NUTM1: variants seen among roughly 807,000 people sequenced by gnomAD.
The protein encoded by NUTM1 is NUT family member 1.
A neutral mutation model predicts 88.7 loss-of-function variants in NUTM1; 39 were observed. The observed-to-expected ratio is 0.44, with a 90% confidence interval of 0.34 to 0.57. The LOEUF is 0.57. Among genes scored for constraint, NUTM1 ranks in the 20% least tolerant of loss-of-function variants. The pLI, the probability that NUTM1 is intolerant of heterozygous loss-of-function variation, is 0.01. For synonymous variants in NUTM1, 494 were observed against 538.0 expected (o/e 0.92, Z 1.13); for missense variants, 1,350 against 1,414.5 (o/e 0.95, Z 0.73).
At chr15:34,347,895 A>C in intron 2 of NUTM1, 74 bp from the exon 3 acceptor site, 1 of 680,512 alleles carries the variant, frequency 1.5e-6, no homozygotes, top group Non-Finnish European at 2.3e-6. Flanking sequence ...AAAATAAAAA[A>C]ATGGGGAATT....
Position 34,356,196 on chromosome 15 carries a change from G to T in NUTM1, c.2188G>T (p.Asp730Tyr). The T allele has an allele frequency of 3.1e-6, 5 of 1,608,808 alleles. No individual in the cohort carries two copies. Among genetic ancestry groups the T allele is most frequent in the Non-Finnish European group, 4.3e-6 (5 of 1,176,170 alleles). The change falls in exon 8 of 8, where the codon GAT becomes TAT. Residue 730 changes from aspartate to tyrosine, a missense_variant. Physicochemically the swap from Asp to Tyr is radical, Grantham distance 160 (BLOSUM62 -3). Coordinates refer to ENST00000537011, the MANE Select transcript of NUTM1 (RefSeq NM_001284292.2). Reference protein sequence around the residue: ...DRGTPMAQSYDQNPSPRAAGE... With the variant: ...DRGTPMAQSYYQNPSPRAAGE... ...AGGTACCCCCATGGCTCAGAGTTAT[G>T]ATCAGAATCCTTCCCCTAGAGCAGC...
At chr15:34,347,843 A>C in intron 2 of NUTM1, 126 bp from the exon 3 acceptor site, 62 of 497,086 alleles carry the variant, frequency 1.2e-4, no homozygotes, top group Non-Finnish European at 1.7e-4. Context: ...ACAGAGCGAG[A>C]CTCCATCTCA....
chr15:34,349,018 C>T (rs182808896), intron 3 of NUTM1, among the ~76,000 whole-genome samples: 3 of 152,228 alleles, frequency 2.0e-5, no homozygotes, highest in East Asian at 3.9e-4. Flanking sequence ...AGGGTCCTCC[C>T]CCCGTTCTAT....
At chr15:34,345,883 C>G (rs895987697) in intron 1 of NUTM1, 59 bp from the exon 2 acceptor site, 2 of 1,596,058 alleles carry the variant, frequency 1.3e-6, no homozygotes, top group African/African-American at 2.7e-5. Flanking sequence ...TATTCTAGTT[C>G]TGTGTGATCT....
rs966462694 is a variant in NUTM1, at chr15:34,357,528, C to T, written c.*37C>T. ...ACCATCTGACCCCACTTGCCAGTCC[C>T]TAAAGGTGGGTGCCCCAGAGTAGAT... On this transcript the variant is annotated 3_prime_UTR_variant, in exon 8 of 8. Coordinates refer to ENST00000537011, the MANE Select transcript of NUTM1 (RefSeq NM_001284292.2). 2.5e-6 allele frequency: 4 copies of T among 1,611,948 alleles called. No homozygotes were observed. In the East Asian group the frequency reaches 8.9e-5, roughly 36 times the overall value.
intron 1 of NUTM1, among the ~76,000 whole-genome samples, chr15:34,345,506 C>A (rs947105824): frequency 1.3e-5 from 2 of 152,104 alleles, no homozygotes; most frequent in African/African-American, 2.4e-5. Context: ...GTGTATAGAC[C>A]AATGTACTCT....
intron 3 of NUTM1, among the ~76,000 whole-genome samples, chr15:34,349,022 G>C (rs761089557): frequency 6.6e-6 from 1 of 152,096 alleles, no homozygotes; most frequent in African/African-American, 2.4e-5. Flanking sequence ...TCCTCCCCCC[G>C]TTCTATTTTA....
At chr15:34,354,387 G>A (rs1210311887) in intron 5 of NUTM1, 59 bp from the exon 6 acceptor site, 4 of 1,536,290 alleles carry the variant, frequency 2.6e-6, no homozygotes, top group Admixed American at 3.4e-5. Flanking sequence ...CATTCCGAAG[G>A]AGGCAGAATC....
At position 34,356,284 on chromosome 15, in the gene NUTM1, T is replaced by C; in HGVS notation, c.2276T>C (p.Val759Ala). 1 of 1,613,058 alleles carries C rather than the reference T, an allele frequency of 6.2e-7. No homozygotes were observed. The highest frequency in any genetic ancestry group is 8.5e-7 in the Non-Finnish European group (1 of 1,179,506). Residue 759 changes from valine to alanine, a missense_variant, in exon 8 of 8, where the codon GTA (valine) becomes GCA (alanine). Physicochemically the swap from Val to Ala is moderately conservative, Grantham distance 64. Coordinates refer to ENST00000537011, the MANE Select transcript of NUTM1 (RefSeq NM_001284292.2). ...TGGCTGAGCAGTGAGATGGATGCTG[T>C]AGGCTTGGAGCTGCCTGTACAAATA... The part of the protein sequence containing the change: ...GVWLSSEMDA[V>A]GLELPVQIEE...
At chr15:34,354,811 C>A in intron 6 of NUTM1, 79 bp downstream of exon 6, 1 of 1,411,968 alleles carries the variant, frequency 7.1e-7, no homozygotes, top group Non-Finnish European at 1.0e-6. Context: ...TGGGGTTTGT[C>A]CAATGCAGTA....
At position 34,356,540 on chromosome 15, in the gene NUTM1, G is replaced by A. The variant is rs1890815330; in HGVS notation, c.2532G>A (p.Leu844=). ...PGPLRANSPP[L]RSKENQEQSC... ...CTTTGAGGGCCAACAGCCCACCCTT[G>A]AGGTCCAAAGAAAATCAAGAACAGA... is the stretch of plus-strand genomic sequence containing the variant. Residue 844 remains leucine, a synonymous_variant, in exon 8 of 8, where the codon TTG becomes TTA. Coordinates refer to ENST00000537011, the MANE Select transcript of NUTM1 (RefSeq NM_001284292.2). The A allele has an allele frequency of 6.2e-7, 1 of 1,613,836 alleles. No homozygotes were observed. Among genetic ancestry groups the A allele is most frequent in the Non-Finnish European group, 8.5e-7 (1 of 1,179,954 alleles).
rs1386925665 is a variant in NUTM1, at chr15:34,357,649, G to C, written c.*158G>C. 21 of 1,350,318 alleles carry C rather than the reference G, an allele frequency of 1.6e-5. No homozygotes were observed. Among genetic ancestry groups the C allele is most frequent in the Non-Finnish European group, 2.2e-5 (21 of 954,128 alleles). The allele number at this position is 1,350,318 out of a possible 1,614,324, so 83.6% of individuals were successfully genotyped here. A position where few individuals can be genotyped will look rare whatever the true frequency, so the allele number is the denominator to read the frequency against. On this transcript the variant is annotated 3_prime_UTR_variant, in exon 8 of 8. Coordinates refer to ENST00000537011, the MANE Select transcript of NUTM1 (RefSeq NM_001284292.2). ...CAAAAGTGGCAAGCATGGAGAGAGA[G>C]GTCAGACTGGCTAGGCTGCAGGGGG... is the stretch of plus-strand genomic sequence containing the variant.
chr15:34,353,691 T>A, intron 4 of NUTM1, 45 bp from the exon 5 acceptor site: 2 of 1,611,492 alleles, frequency 1.2e-6, no homozygotes, highest in Non-Finnish European at 1.7e-6. Context: ...CTGATGGGTC[T>A]GGTCTCCTTC....
intron 2 of NUTM1, among the ~76,000 whole-genome samples, chr15:34,347,319 G>T (rs1202792457): frequency 6.6e-6 from 1 of 151,394 alleles, no homozygotes. Context: ...GCACAGAGGC[G>T]CAATCTCAGC....
chr15:34,350,262 C>G (rs540995687), intron 3 of NUTM1, among the ~76,000 whole-genome samples: 1 of 152,154 alleles, frequency 6.6e-6, no homozygotes, highest in Admixed American at 6.6e-5. Flanking sequence ...AATAAAAACA[C>G]CACATGACCT....
At position 34,343,718 on chromosome 15, in the gene NUTM1, T is replaced by C; in HGVS notation, c.6+16T>C. The C allele has an allele frequency of 2.0e-6, 3 of 1,533,242 alleles. No homozygotes were observed. Among genetic ancestry groups the C allele is most frequent in the Non-Finnish European group, 2.6e-6 (3 of 1,144,744 alleles). The allele number at this position is 1,533,242 out of a possible 1,614,324, so 95.0% of individuals were successfully genotyped here. A position where few individuals can be genotyped will look rare whatever the true frequency, so the allele number is the denominator to read the frequency against. Reference sequence around the variant, plus strand: ...TCTTATGGTGGTGAGTAGCTAATAATAACGTAATAAAGTGCACCTTCTAGG... The same window carrying C: ...TCTTATGGTGGTGAGTAGCTAATAACAACGTAATAAAGTGCACCTTCTAGG... On this transcript the variant is annotated intron_variant, in intron 1 of 7. Transcript: ENST00000537011.
At position 34,348,437 on chromosome 15, in the gene NUTM1, C is replaced by T. The variant is rs773965796; in HGVS notation, c.569C>T (p.Pro190Leu). The stretch of plus-strand genomic sequence containing the variant: ...GGTCCTCCAGGCCTTCCGCCTCAGC[C>T]TCCACCACCAGTTGCTCAACTGGTC... ...QEGPPGLPPQ[P>L]PPPVAQLVPI... The change falls in exon 3 of 8, where the codon CCT becomes CTT. Residue 190 changes from proline (P) to leucine (L), a missense_variant. Coordinates refer to ENST00000537011, the MANE Select transcript of NUTM1 (RefSeq NM_001284292.2). 4 of 1,614,060 alleles carry T rather than the reference C, an allele frequency of 2.5e-6. No homozygotes were observed. Among genetic ancestry groups the T allele is most frequent in the Non-Finnish European group, 3.4e-6 (4 of 1,180,010 alleles).
At chr15:34,348,810 T>TG (rs1890657333) in intron 3 of NUTM1, 133 bp downstream of exon 3, 1 of 624,722 alleles carries the variant, frequency 1.6e-6, no homozygotes. Flanking sequence ...GCTCTGAGAA[T>TG]GAAAAACATA....
At position 34,355,373 on chromosome 15, in the gene NUTM1, C is replaced by T. The variant is rs767327461; in HGVS notation, c.1480-115C>T. 3.2e-5 allele frequency: 32 copies of T among 995,090 alleles called. No individual in the cohort carries two copies. Among genetic ancestry groups the T allele is most frequent in the African/African-American group, 4.9e-5 (3 of 61,794 alleles). The allele number at this position is 995,090 out of a possible 1,614,324, so 61.6% of individuals were successfully genotyped here. A position where few individuals can be genotyped will look rare whatever the true frequency, so the allele number is the denominator to read the frequency against. ...CTGCAGTATCTGTCTTTGCTACCAT[C>T]GCTTAAACTACTTGCTTGCCTTCCT... On this transcript the variant is annotated intron_variant, in intron 7 of 7. Coordinates refer to ENST00000537011, the MANE Select transcript of NUTM1 (RefSeq NM_001284292.2). This position sits in a 1 kb window ranked among gnomAD's most constrained non-coding sequence, Gnocchi z 4.3.
Sources: allele counts gnomAD v4.1 joint callset (sites outside exome capture counted in the v4.1 genomes callset), GRCh38; gene constraint gnomAD v4.1.1; non-coding constraint Gnocchi (gnomAD v3.1); transcripts MANE v1.5; gene names NCBI Gene and HGNC (gene_info 2026-07-23, HGNC 2026-07-21).